Variants in JHY observed in about 807,000 individuals in gnomAD.
The protein encoded by JHY is jhy protein homolog.
Under a neutral mutation model 78.0 loss-of-function variants are expected in JHY, and 69 were observed. The ratio of observed to expected loss-of-function variants is 0.88; its 90% CI spans 0.73 to 1.08. The LOEUF (loss-of-function observed/expected upper bound fraction) is 1.08, where lower values mean the gene tolerates loss of function less well. Ranked by LOEUF, JHY falls within the 50% of genes least tolerant of loss-of-function variation. The pLI is 0.00. For missense variants in JHY, 944 were observed against 927.8 expected (o/e 1.02, Z -0.23); for synonymous variants, 368 against 342.6 (o/e 1.07, Z -0.82).
chr11:122,923,224 ACATATATCTGCT>A (rs1311332753), intron 3 of JHY, among the ~76,000 whole-genome samples: 1 of 152,226 alleles, frequency 6.6e-6, no homozygotes, highest in African/African-American at 2.4e-5. Flanking sequence ...AAATACAGAG[ACATATATCTGCT>A]CATATAAAGA....
intron 5 of JHY, among the ~76,000 whole-genome samples, chr11:122,937,585 G>A (rs1408207032): frequency 1.3e-5 from 2 of 152,092 alleles, no homozygotes; most frequent in Non-Finnish European, 2.9e-5. Flanking sequence ...GATTGAAAAT[G>A]TGGTACAAGG....
At chr11:122,887,548 C>G (rs1018317692) in intron 2 of JHY, among the ~76,000 whole-genome samples, 4 of 151,966 alleles carry the variant, frequency 2.6e-5, no homozygotes. Context: ...GTCTCGATCT[C>G]TTGATCTTGT....
At position 122,957,461 on chromosome 11, in the gene JHY, T is replaced by G; in HGVS notation, c.2109T>G (p.Thr703=). The change falls in exon 8 of 9, where the codon ACT becomes ACG. Residue 703 remains threonine, a synonymous_variant. Coordinates refer to ENST00000227349, the MANE Select transcript of JHY (RefSeq NM_024806.4). ...SILSKPQTEK[T]QKKSAIPRQK... ...TATCAAAACCACAAACAGAAAAAAC[T>G]CAAAAGAAATCTGCTATCCCTCGGC... is the stretch of plus-strand genomic sequence containing the variant. 1.3e-6 allele frequency: 2 copies of G among 1,534,532 alleles called. No homozygotes were observed. The highest frequency in any genetic ancestry group is 1.7e-6 in the Non-Finnish European group (2 of 1,152,570).
chr11:122,916,980 C>A (rs1863247551), intron 3 of JHY, among the ~76,000 whole-genome samples: 1 of 152,010 alleles, frequency 6.6e-6, no homozygotes, highest in African/African-American at 2.4e-5. Context: ...TAGTTCCCCC[C>A]ACCCCCAACA....
At chr11:122,888,020 C>T (rs1862532811) in intron 2 of JHY, among the ~76,000 whole-genome samples, 1 of 143,852 alleles carries the variant, frequency 7.0e-6, no homozygotes, top group Non-Finnish European at 1.5e-5. Flanking sequence ...TTCTTTCTTT[C>T]TTATCTTTCT....
At chr11:122,951,321 AC>A (rs1864079214) in intron 6 of JHY, among the ~76,000 whole-genome samples, 1 of 152,132 alleles carries the variant, frequency 6.6e-6, no homozygotes, top group African/African-American at 2.4e-5. Flanking sequence ...ATCTGTTGCA[AC>A]CCACCACAAA....
At chr11:122,936,325 A>G (rs1164781935) in intron 5 of JHY, among the ~76,000 whole-genome samples, 1 of 152,218 alleles carries the variant, frequency 6.6e-6, no homozygotes, top group Admixed American at 6.5e-5. Context: ...AGTTGATCAA[A>G]GAACATTTAA....
chr11:122,891,179 G>C (rs1862607137), intron 2 of JHY, among the ~76,000 whole-genome samples: 1 of 152,144 alleles, frequency 6.6e-6, no homozygotes, highest in Non-Finnish European at 1.5e-5. Context: ...AACTGTCAAA[G>C]CTTGCCTTAA....
chr11:122,892,785 T>A (rs1171255617), intron 2 of JHY, among the ~76,000 whole-genome samples: 7 of 152,174 alleles, frequency 4.6e-5, no homozygotes, highest in African/African-American at 1.4e-4. Flanking sequence ...AGAGAAAGAC[T>A]TAGGGAAGAC....
rs924655762 is a variant in JHY, at chr11:122,898,091, A to G, written c.345-5834A>G. Among the ~76,000 whole-genome samples, 30 of 152,228 alleles carry G rather than the reference A, an allele frequency of 2.0e-4. No individual in the cohort carries two copies. The highest frequency in any genetic ancestry group is 7.2e-4 in the African/African-American group (30 of 41,468). On this transcript the variant is annotated intron_variant, in intron 2 of 8. Transcript: ENST00000227349. The surrounding 1 kb of genome is among the most constrained non-coding windows in gnomAD (Gnocchi z 4.4). ...CATAACGTCCTGTATTTCTTTACAC[A>G]TCGAATTCATTAGTTGATTACTGTA...
chr11:122,961,230 C>T lies in JHY; in HGVS notation c.*1785C>T, dbSNP rs1864307817. Reference sequence around the variant, plus strand: ...AAAAATGAAACATTTGTTCCCTATACTGAGAGAACTCAATCTATTGGCCAA... The same window carrying T: ...AAAAATGAAACATTTGTTCCCTATATTGAGAGAACTCAATCTATTGGCCAA... On this transcript the variant is annotated 3_prime_UTR_variant, in exon 9 of 9. Transcript: ENST00000227349. 2.3e-6 allele frequency: 1 copy of T among 441,004 alleles called. No homozygotes were observed. The highest frequency in any genetic ancestry group is 2.0e-5 in the African/African-American group (1 of 49,868). 27.3% of individuals were successfully genotyped at this position (441,004 alleles called of 1,614,324 possible).
In JHY at chr11:122,928,121, A is replaced by G. The variant is rs565443489; in HGVS notation, c.978+3111A>G. The stretch of plus-strand genomic sequence containing the variant: ...TACCACAGTGCTTTGCCCAAGGCTG[A>G]TGCTCAGTAAATATTTACTGACTGA... On this transcript the variant is annotated intron_variant, in intron 4 of 8. Transcript: ENST00000227349. Among the ~76,000 whole-genome samples the G allele has an allele frequency of 5.9e-5, 9 of 152,322 alleles. No individual in the cohort carries two copies. The South Asian group carries it at 1.2e-3, about 21-fold the overall frequency.
At position 122,883,923 on chromosome 11, in the gene JHY, G is replaced by A. The variant is rs976835467; in HGVS notation, c.-90+951G>A. Among the ~76,000 whole-genome samples, 24 of 152,206 alleles carry A rather than the reference G, an allele frequency of 1.6e-4. No individual in the cohort carries two copies. Among genetic ancestry groups the A allele is most frequent in the African/African-American group, 4.8e-4 (20 of 41,448 alleles). The stretch of plus-strand genomic sequence containing the variant: ...TTCTAAGTTGCACTATAACGCTTAA[G>A]CTTGCTCTTCAGGATCTCAAATTCA... On this transcript the variant is annotated intron_variant, in intron 1 of 8. Transcript: ENST00000227349. The surrounding 1 kb of genome is among the most constrained non-coding windows in gnomAD (Gnocchi z 4.4).
chr11:122,904,808 C>T (rs1862950265), intron 3 of JHY, among the ~76,000 whole-genome samples: 1 of 152,154 alleles, frequency 6.6e-6, no homozygotes, highest in Admixed American at 6.5e-5. Context: ...ACTGTGTTTT[C>T]CAAATGATAA....
chr11:122,896,641 G>A (rs1862745767), intron 2 of JHY, among the ~76,000 whole-genome samples: 1 of 152,120 alleles, frequency 6.6e-6, no homozygotes. Context: ...TTTGTGCCCT[G>A]GAAATAAGTT....
chr11:122,901,559 A>G (rs1044380672), intron 2 of JHY, among the ~76,000 whole-genome samples: 2 of 148,874 alleles, frequency 1.3e-5, no homozygotes, highest in African/African-American at 2.4e-5. Flanking sequence ...CTTATTCTGT[A>G]AGTAAGCTTT....
intron 4 of JHY, among the ~76,000 whole-genome samples, chr11:122,930,346 C>G (rs1027162550): frequency 6.6e-6 from 1 of 152,174 alleles, no homozygotes; most frequent in Non-Finnish European, 1.5e-5. Context: ...TCCCAAAGTG[C>G]TGGGATTACA....
At chr11:122,940,402 T>C (rs538764091) in intron 5 of JHY, among the ~76,000 whole-genome samples, 1 of 152,312 alleles carries the variant, frequency 6.6e-6, no homozygotes, top group African/African-American at 2.4e-5. Context: ...TTCTATAACA[T>C]TGCCTTTTTA....
Position 122,925,809 on chromosome 11 carries a change from AGTTCGAGACCAGCCCGGCCAATATG to A in JHY, c.978+802_978+826del, listed in dbSNP as rs538585036. 6.9e-4 allele frequency among the ~76,000 whole-genome samples: 105 copies of A among 152,238 alleles called. 2 individuals are homozygous for A. The East Asian group carries it at 0.016, about 24-fold the overall frequency. ...GAGGTGGGTGAATCACAAGGTCAGG[AGTTCGAGACCAGCCCGGCCAATATG>A]GTGAAACCCCATCTCTACTAAAAAT... On this transcript the variant is annotated intron_variant, in intron 4 of 8. Coordinates refer to ENST00000227349, the MANE Select transcript of JHY (RefSeq NM_024806.4).
Sources: allele counts gnomAD v4.1 joint callset (sites outside exome capture counted in the v4.1 genomes callset), GRCh38; gene constraint gnomAD v4.1.1; non-coding constraint Gnocchi (gnomAD v3.1); transcripts MANE v1.5; gene names NCBI Gene and HGNC (gene_info 2026-07-23, HGNC 2026-07-21).